The following PDGFRA variants were observed in gnomAD, a reference collection of about 807,000 sequenced individuals.
The protein encoded by PDGFRA is platelet derived growth factor receptor alpha.
Under a neutral mutation model 121.5 loss-of-function variants are expected in PDGFRA, and 25 were observed. The ratio of observed to expected loss-of-function variants is 0.21; its 90% confidence interval spans 0.15 to 0.29. The LOEUF (loss-of-function observed/expected upper bound fraction) is 0.29. Ranked by LOEUF, PDGFRA falls within the 10% of genes least tolerant of loss-of-function variation. The probability of loss-of-function intolerance (pLI) is 1.00; values close to 1 mark genes in which losing one functional copy is unlikely to be tolerated. For synonymous variants in PDGFRA, 463 were observed against 494.8 expected (o/e 0.94, Z 0.85); for missense variants, 1,008 against 1,345.1 (o/e 0.75, Z 3.92).
chr4:54,290,226 A>T, intron 21 of PDGFRA, 87 bp from the exon 22 acceptor site: 2 of 1,078,820 alleles, frequency 1.9e-6, no homozygotes, highest in Non-Finnish European at 2.9e-6. Flanking sequence ...ATGTACAGTT[A>T]AATAATAGTA....
rs147581958 is a variant in PDGFRA, at chr4:54,295,609, A to G, written c.*337A>G. On this transcript the variant is annotated 3_prime_UTR_variant, in exon 23 of 23. Coordinates refer to ENST00000257290, the MANE Select transcript of PDGFRA (RefSeq NM_006206.6). The stretch of plus-strand genomic sequence containing the variant: ...ACAGACACAATTTATACTGCGACAG[A>G]ACTTCAGCATTGTAATTATGTAAAT... 24 of 412,684 alleles carry G rather than the reference A, an allele frequency of 5.8e-5. No individual in the cohort carries two copies. The East Asian group carries it at 9.8e-4, about 17-fold the overall frequency. The allele number at this position is 412,684 out of a possible 1,614,324, so 25.6% of individuals were successfully genotyped here.
At chr4:54,286,286 G>A (rs571914479) in intron 18 of PDGFRA, among the ~76,000 whole-genome samples, 144 of 151,904 alleles carry the variant, frequency 9.5e-4, no homozygotes, top group African/African-American at 3.3e-3. Flanking sequence ...ACAGTGCCTG[G>A]CATATAGAAA....
At position 54,273,530 on chromosome 4, in the gene PDGFRA, T is replaced by C. The variant is rs776751170; in HGVS notation, c.1365-7T>C. 1.6e-5 allele frequency: 26 copies of C among 1,613,192 alleles called. No individual in the cohort carries two copies. Among genetic ancestry groups the C allele is most frequent in the Non-Finnish European group, 2.2e-5 (26 of 1,179,256 alleles). On this transcript the variant is annotated splice_region_variant and splice_polypyrimidine_tract_variant and intron_variant, in intron 9 of 22. Transcript: ENST00000257290. ...TGGCCCTATACTTAGGCCCTTTTTC[T>C]CTCTAGATGTAATAATGAAACTTCC...
chr4:54,248,812 T>A (rs1721862049), intron 1 of PDGFRA, among the ~76,000 whole-genome samples: 1 of 152,140 alleles, frequency 6.6e-6, no homozygotes, highest in Non-Finnish European at 1.5e-5. Context: ...TTTTGCAACC[T>A]ACTCATCTGA....
At chr4:54,233,857 G>A (rs1053545185) in intron 1 of PDGFRA, among the ~76,000 whole-genome samples, 11 of 152,142 alleles carry the variant, frequency 7.2e-5, no homozygotes, top group African/African-American at 2.4e-4. Context: ...TTACGACCCT[G>A]CGTTATTGTG....
chr4:54,277,273 C>T lies in PDGFRA; in HGVS notation c.1787-115C>T, dbSNP rs188933864. The T allele has an allele frequency of 3.8e-6, 3 of 779,526 alleles. No homozygotes were observed. In the Admixed American group the frequency reaches 5.6e-5, roughly 14 times the overall value. The allele number at this position is 779,526 out of a possible 1,614,324, so 48.3% of individuals were successfully genotyped here. On this transcript the variant is annotated intron_variant, in intron 12 of 22. Coordinates refer to ENST00000257290, the MANE Select transcript of PDGFRA (RefSeq NM_006206.6). ...TGACTTGGAGGAGTCATTATGATTA[C>T]TCCAAACAGGAAAGACACTCGCCCA...
chr4:54,257,382 G>A (rs915739277), intron 1 of PDGFRA, among the ~76,000 whole-genome samples: 2 of 152,222 alleles, frequency 1.3e-5, no homozygotes, highest in Admixed American at 6.5e-5. Flanking sequence ...TGCCTATGGA[G>A]TAGCCACCCT....
In PDGFRA at chr4:54,289,893, G is replaced by A. The variant is rs1724539810; in HGVS notation, c.2881-420G>A. ...TTGGTGGGAAGAGATTGAAGTTATTGTTGAAAATAGGGTCTTTTCACATCC... is the reference window on the plus strand; with the variant it reads ...TTGGTGGGAAGAGATTGAAGTTATTATTGAAAATAGGGTCTTTTCACATCC... On this transcript the variant is annotated intron_variant, in intron 21 of 22. Coordinates refer to ENST00000257290, the MANE Select transcript of PDGFRA (RefSeq NM_006206.6). Among the ~76,000 whole-genome samples the A allele has an allele frequency of 2.0e-5, 3 of 152,192 alleles. No individual in the cohort carries two copies. The South Asian group carries it at 6.2e-4, about 32-fold the overall frequency.
chr4:54,249,517 A>G (rs898724365), intron 1 of PDGFRA, among the ~76,000 whole-genome samples: 3 of 152,302 alleles, frequency 2.0e-5, no homozygotes, highest in African/African-American at 4.8e-5. Context: ...CATCATTCTC[A>G]GTAAACTATC....
At chr4:54,235,209 C>G (rs1450403255) in intron 1 of PDGFRA, among the ~76,000 whole-genome samples, 1 of 152,192 alleles carries the variant, frequency 6.6e-6, no homozygotes, top group African/African-American at 2.4e-5. Context: ...AAATCTGAAT[C>G]TTGAAGTCAC....
Position 54,273,583 on chromosome 4 carries a change from A to C in PDGFRA, c.1411A>C (p.Asn471His), listed in dbSNP as rs758497476. 39 of 1,614,072 alleles carry C rather than the reference A, an allele frequency of 2.4e-5. No homozygotes were observed. The highest frequency in any genetic ancestry group is 2.9e-5 in the Non-Finnish European group (34 of 1,180,030). ...SWTILANNVSNIITEIHSRDR... is the reference protein window; with the variant it reads ...SWTILANNVSHIITEIHSRDR... ...GACTATTTTGGCCAACAATGTCTCA[A>C]ACATCATCACGGAGATCCACTCCCG... is the stretch of plus-strand genomic sequence containing the variant. Residue 471 changes from asparagine (N) to histidine (H), a missense_variant, in exon 10 of 23, where the codon AAC (asparagine) becomes CAC (histidine). By Grantham distance (68) the Asn-to-His change is moderately conservative. Transcript: ENST00000257290.
intron 16 of PDGFRA, among the ~76,000 whole-genome samples, chr4:54,284,210 T>C (rs1724200510): frequency 6.6e-6 from 1 of 152,184 alleles, no homozygotes; most frequent in African/African-American, 2.4e-5. Flanking sequence ...ATTATCAGCA[T>C]TTTGGTCACA....
intron 1 of PDGFRA, among the ~76,000 whole-genome samples, chr4:54,237,141 T>G (rs897185028): frequency 2.6e-5 from 4 of 152,100 alleles, no homozygotes; most frequent in African/African-American, 9.7e-5. Context: ...GCTAATTTTT[T>G]GTATTTTTAG....
At chr4:54,249,528 G>T (rs928368516) in intron 1 of PDGFRA, among the ~76,000 whole-genome samples, 3 of 151,976 alleles carry the variant, frequency 2.0e-5, no homozygotes, top group African/African-American at 7.3e-5. Context: ...GTAAACTATC[G>T]CAAGAAGAAA....
chr4:54,285,316 C>A (rs1724282466), intron 16 of PDGFRA, 55 bp from the exon 17 acceptor site: 1 of 800,852 alleles, frequency 1.2e-6, no homozygotes, highest in African/African-American at 1.7e-5. Flanking sequence ...GCCTCTGCAA[C>A]CTGATGATTT....
chr4:54,245,040 C>G (rs1352233374), intron 1 of PDGFRA, among the ~76,000 whole-genome samples: 1 of 152,162 alleles, frequency 6.6e-6, no homozygotes, highest in Non-Finnish European at 1.5e-5. Context: ...AAGAAACGAA[C>G]AAAGCCTCCA....
chr4:54,248,868 C>T (rs568696058), intron 1 of PDGFRA, among the ~76,000 whole-genome samples: 3 of 152,096 alleles, frequency 2.0e-5, no homozygotes, highest in East Asian at 3.9e-4. Flanking sequence ...AACAAATTTA[C>T]AGGAAAAAAA....
chr4:54,230,253 C>G (rs1298403804), intron 1 of PDGFRA: 2 of 153,126 alleles, frequency 1.3e-5, no homozygotes, highest in South Asian at 2.1e-4. Flanking sequence ...GCAGTGTGCT[C>G]GGGTTGCACG....
Position 54,231,668 on chromosome 4 carries a change from G to A in PDGFRA, c.-13+2253G>A, listed in dbSNP as rs4864504. Among the ~76,000 whole-genome samples, 3 of 152,140 alleles carry A rather than the reference G, an allele frequency of 2.0e-5. No homozygotes were observed. In the South Asian group the frequency reaches 6.2e-4, roughly 31 times the overall value. On this transcript the variant is annotated intron_variant, in intron 1 of 22. Coordinates refer to ENST00000257290, the MANE Select transcript of PDGFRA (RefSeq NM_006206.6). Reference sequence around the variant, plus strand: ...CCCCGACAGGCGCAAGGCCGACCAGGCTCGCTTTGACGCCCTGGTCAGGCC... The same window carrying A: ...CCCCGACAGGCGCAAGGCCGACCAGACTCGCTTTGACGCCCTGGTCAGGCC...
Sources: gnomAD v4.1 joint callset for allele counts (sites outside exome capture counted in the v4.1 genomes callset) on GRCh38, gnomAD v4.1.1 for gene constraint, MANE v1.5 for transcripts, NCBI Gene and HGNC (gene_info 2026-07-23, HGNC 2026-07-21) for gene names.